Variants in UGT1A8 observed in about 807,000 individuals in gnomAD.
The protein encoded by UGT1A8 is UDP-glucuronosyltransferase 1A8.
UGT1A8 carries 39 observed loss-of-function variants against 45.3 expected under a neutral mutation model. The observed-to-expected ratio is 0.86, with a 90% CI of 0.67 to 1.12. The LOEUF is 1.12. Ranked by LOEUF, UGT1A8 falls within the 50% of genes most tolerant of loss-of-function variation. UGT1A8 has a pLI of 0.00. For synonymous variants in UGT1A8, 275 were observed against 249.2 expected (o/e 1.10, Z -0.97); for missense variants, 719 against 664.9 (o/e 1.08, Z -0.90).
At chr2:233,700,189 G>A (rs954345337) in intron 1 of UGT1A8, among the ~76,000 whole-genome samples, 2 of 152,162 alleles carry the variant, frequency 1.3e-5, no homozygotes, top group Non-Finnish European at 2.9e-5. Context: ...TGAAATCTCA[G>A]CCTTTGTTGG....
intron 1 of UGT1A8, among the ~76,000 whole-genome samples, chr2:233,654,113 T>C (rs2073801080): frequency 6.6e-6 from 1 of 152,182 alleles, no homozygotes; most frequent in South Asian, 2.1e-4. Context: ...GATATGAAGA[T>C]GAAATACATA....
chr2:233,716,339 C>A (rs998115073), intron 1 of UGT1A8, among the ~76,000 whole-genome samples: 4 of 152,212 alleles, frequency 2.6e-5, no homozygotes, highest in African/African-American at 9.7e-5. Context: ...CAGGTTTGCG[C>A]AACTACAATG....
At chr2:233,693,280 A>G (rs1249048416) in intron 1 of UGT1A8, 4 of 1,614,160 alleles carry the variant, frequency 2.5e-6, no homozygotes, top group Non-Finnish European at 3.4e-6. Context: ...ACCGTTACCA[A>G]TCATTTGGAA....
rs565737138 is a variant in UGT1A8 at position 233,740,144 on chromosome 2, C to T, written c.856-26890C>T. 2.0e-5 allele frequency among the ~76,000 whole-genome samples: 3 copies of T among 151,952 alleles called. No individual in the cohort carries two copies. The South Asian group carries it at 6.2e-4, about 31-fold the overall frequency. On this transcript the variant is annotated intron_variant, in intron 1 of 4. Coordinates refer to ENST00000373450, the MANE Select transcript of UGT1A8 (RefSeq NM_019076.5). Reference sequence around the variant, plus strand: ...ACCTTCTGTCATGATTGTAAGTTTCCTGAGGCCTCCCCAGTCATGTGGAAC... The same window carrying T: ...ACCTTCTGTCATGATTGTAAGTTTCTTGAGGCCTCCCCAGTCATGTGGAAC...
chr2:233,687,764 G>T (rs1169948279), intron 1 of UGT1A8, among the ~76,000 whole-genome samples: 1 of 151,890 alleles, frequency 6.6e-6, no homozygotes, highest in Non-Finnish European at 1.5e-5. Context: ...AAATTAGCTG[G>T]GCCTGGTGGC....
chr2:233,700,589 G>T (rs1048954941), intron 1 of UGT1A8, among the ~76,000 whole-genome samples: 1 of 152,036 alleles, frequency 6.6e-6, no homozygotes, highest in Admixed American at 6.5e-5. Flanking sequence ...AATTTATTAT[G>T]ATACAATTCA....
intron 1 of UGT1A8, among the ~76,000 whole-genome samples, chr2:233,666,177 T>G (rs2074072182): frequency 6.6e-6 from 1 of 152,048 alleles, no homozygotes; most frequent in Non-Finnish European, 1.5e-5. Flanking sequence ...GTGCCAGGCT[T>G]TTTTTTAATA....
intron 4 of UGT1A8, 25 bp downstream of exon 4, chr2:233,768,464 A>G (rs902987402): frequency 1.9e-6 from 3 of 1,606,818 alleles, no homozygotes; most frequent in Non-Finnish European, 2.6e-6. Flanking sequence ...ACAGAAGAAT[A>G]CTTTGGTCAT....
intron 1 of UGT1A8, among the ~76,000 whole-genome samples, chr2:233,752,050 A>C (rs1396714360): frequency 6.6e-6 from 1 of 152,244 alleles, no homozygotes; most frequent in Non-Finnish European, 1.5e-5. Context: ...TGTTGTGTGA[A>C]TGATTTCCCG....
intron 1 of UGT1A8, among the ~76,000 whole-genome samples, chr2:233,639,538 A>T (rs1372840620): frequency 6.6e-6 from 1 of 152,206 alleles, no homozygotes; most frequent in Non-Finnish European, 1.5e-5. Flanking sequence ...TCAGAGTCTG[A>T]GTCTCATCTG....
At chr2:233,701,614 C>A (rs1194546253) in intron 1 of UGT1A8, among the ~76,000 whole-genome samples, 1 of 152,080 alleles carries the variant, frequency 6.6e-6, no homozygotes, top group Non-Finnish European at 1.5e-5. Context: ...CCTCAGCAAA[C>A]GTAAAAGAAC....
intron 1 of UGT1A8, among the ~76,000 whole-genome samples, chr2:233,757,238 GT>G (rs1696448316): frequency 6.7e-6 from 1 of 149,106 alleles, no homozygotes; most frequent in Admixed American, 6.7e-5. Context: ...AGAAGTGGTG[GT>G]GAGGTGGGGT....
At chr2:233,649,377 A>G (rs2073683535) in intron 1 of UGT1A8, among the ~76,000 whole-genome samples, 1 of 152,176 alleles carries the variant, frequency 6.6e-6, no homozygotes, top group South Asian at 2.1e-4. Flanking sequence ...TATTTTTGGA[A>G]AAGTATTTAA....
At position 233,618,468 on chromosome 2, in the gene UGT1A8, G is replaced by A. The variant is rs776779114; in HGVS notation, c.761G>A (p.Arg254Gln). Residue 254 changes from arginine (R) to glutamine (Q), a missense_variant, in exon 1 of 5, where the codon CGA (arginine) becomes CAA (glutamine). By Grantham distance (43) the Arg-to-Gln change is conservative. Transcript: ENST00000373450. ...AGCCACACATCAATTTGGTTGTTGC[G>A]AACAGACTTTGTTTTGGACTATCCC... Reference protein sequence around the residue: ...LYSHTSIWLLRTDFVLDYPKP... With the variant: ...LYSHTSIWLLQTDFVLDYPKP... The A allele has an allele frequency of 6.2e-6, 10 of 1,613,820 alleles. No individual in the cohort carries two copies. Among genetic ancestry groups the A allele is most frequent in the East Asian group, 4.5e-5 (2 of 44,886 alleles).
rs557498592 is a variant in UGT1A8 at position 233,637,058 on chromosome 2, A to G, written c.855+18496A>G. 22 of 1,613,942 alleles carry G rather than the reference A, an allele frequency of 1.4e-5. No homozygotes were observed. In the East Asian group the frequency reaches 4.9e-4, roughly 36 times the overall value. ...GGAATATTTTGCCACCATCTTGAAG[A>G]AGGTGCACAGTGCCCTGCTCCTCTT... On this transcript the variant is annotated intron_variant, in intron 1 of 4. Coordinates refer to ENST00000373450, the MANE Select transcript of UGT1A8 (RefSeq NM_019076.5).
intron 1 of UGT1A8, among the ~76,000 whole-genome samples, chr2:233,623,778 G>T (rs571858123): frequency 6.6e-6 from 1 of 152,106 alleles, no homozygotes; most frequent in East Asian, 1.9e-4. Flanking sequence ...TTTTGATAAG[G>T]GTGTCAAGAT....
At chr2:233,699,340 A>T (rs2075499292) in intron 1 of UGT1A8, among the ~76,000 whole-genome samples, 1 of 152,158 alleles carries the variant, frequency 6.6e-6, no homozygotes, top group Admixed American at 6.5e-5. Flanking sequence ...CATCCACCCT[A>T]GGGCTAACCT....
chr2:233,646,406 A>G (rs1034619756), intron 1 of UGT1A8, among the ~76,000 whole-genome samples: 1 of 152,162 alleles, frequency 6.6e-6, no homozygotes, highest in Admixed American at 6.5e-5. Flanking sequence ...TCCTCAGAAA[A>G]TGGGATTTTC....
Position 233,617,711 on chromosome 2 carries a change from G to C in UGT1A8, c.4G>C (p.Ala2Pro). 1 of 1,612,334 alleles carries C rather than the reference G, an allele frequency of 6.2e-7. No individual in the cohort carries two copies. Among genetic ancestry groups the C allele is most frequent in the South Asian group, 1.1e-5 (1 of 90,720 alleles). ...TGGCTCGGGCTGCAGTTCTCTCATG[G>C]CTCGCACAGGGTGGACCAGCCCCAT... is the stretch of plus-strand genomic sequence containing the variant. Reference protein sequence around the residue: MARTGWTSPIPL... With the variant: MPRTGWTSPIPL... Residue 2 changes from alanine to proline, a missense_variant, in exon 1 of 5, where the codon GCT (alanine) becomes CCT (proline). Coordinates refer to ENST00000373450, the MANE Select transcript of UGT1A8 (RefSeq NM_019076.5).
Sources: allele counts gnomAD v4.1 joint callset (sites outside exome capture counted in the v4.1 genomes callset), GRCh38; gene constraint gnomAD v4.1.1; transcripts MANE v1.5; gene names NCBI Gene and HGNC (gene_info 2026-07-23, HGNC 2026-07-21).